The following CFAP43 variants were observed in gnomAD, a reference collection of about 807,000 sequenced individuals.
CFAP43 encodes cilia- and flagella-associated protein 43.
A neutral mutation model predicts 218.9 loss-of-function variants in CFAP43; 155 were observed. That is an observed-to-expected ratio of 0.71 (90% confidence interval 0.62 to 0.81). CFAP43 has a LOEUF of 0.81. Among genes scored for constraint, CFAP43 ranks in the 30% least tolerant of loss-of-function variants. The pLI is 0.00. For missense variants in CFAP43, 1,778 were observed against 1,954.3 expected (o/e 0.91, Z 1.70); for synonymous variants, 645 against 681.3 (o/e 0.95, Z 0.83).
intron 22 of CFAP43, among the ~76,000 whole-genome samples, chr10:104,167,409 G>A (rs926514215): frequency 6.6e-6 from 1 of 152,136 alleles, no homozygotes; most frequent in South Asian, 2.1e-4. Flanking sequence ...TTGAGGGCTA[G>A]CCAGTGTTGT....
At chr10:104,219,429 G>A (rs368874596) in intron 3 of CFAP43, among the ~76,000 whole-genome samples, 7 of 152,218 alleles carry the variant, frequency 4.6e-5, no homozygotes, top group South Asian at 4.2e-4. Flanking sequence ...TCCACAGTAC[G>A]AAAGTATTGG....
At chr10:104,173,713 C>T (rs1052330952) in intron 19 of CFAP43, among the ~76,000 whole-genome samples, 6 of 152,208 alleles carry the variant, frequency 3.9e-5, no homozygotes, top group Non-Finnish European at 5.9e-5. Flanking sequence ...CCCACCCCTT[C>T]ACTTTTTACT....
At chr10:104,186,341 C>T (rs2090028797) in intron 14 of CFAP43, among the ~76,000 whole-genome samples, 1 of 152,166 alleles carries the variant, frequency 6.6e-6, no homozygotes, top group Non-Finnish European at 1.5e-5. Flanking sequence ...TTGTTTCTGC[C>T]AACTAAGTAA....
chr10:104,141,737 A>T (rs1357644122), intron 33 of CFAP43, among the ~76,000 whole-genome samples: 1 of 152,232 alleles, frequency 6.6e-6, no homozygotes, highest in African/African-American at 2.4e-5. Context: ...GGTAATTCAT[A>T]TCCTCGCTAT....
intron 3 of CFAP43, among the ~76,000 whole-genome samples, chr10:104,219,500 G>A (rs2091119329): frequency 6.6e-6 from 1 of 152,114 alleles, no homozygotes; most frequent in Admixed American, 6.6e-5. Context: ...ATATAATTGT[G>A]TCACTTCCCT....
At chr10:104,208,407 C>T (rs1357252511) in intron 5 of CFAP43, among the ~76,000 whole-genome samples, 2 of 152,076 alleles carry the variant, frequency 1.3e-5, no homozygotes, top group African/African-American at 4.8e-5. Flanking sequence ...ATTTTCTGGC[C>T]TTGGTATGTT....
chr10:104,182,431 C>T lies in CFAP43; in HGVS notation c.2224G>A (p.Glu742Lys), dbSNP rs750966857. 1 of 1,612,708 alleles carries T rather than the reference C, an allele frequency of 6.2e-7. No individual in the cohort carries two copies. The highest frequency in any genetic ancestry group is 2.2e-5 in the East Asian group (1 of 44,742). The stretch of plus-strand genomic sequence containing the variant: ...GGTGTTGTGCTTAAATAATGATTCT[C>T]CTTGTCCATGGCGCTGCTCAGGGAA... The part of the protein sequence containing the change: ...LISLSSAMDK[E>K]NHYLSTTPKV... The change falls in exon 17 of 38, where the codon GAG becomes AAG. Residue 742 changes from glutamate (E) to lysine (K), a missense_variant. Glu to Lys is a moderately conservative substitution (Grantham distance 56). Coordinates refer to ENST00000357060, the MANE Select transcript of CFAP43 (RefSeq NM_025145.7).
At chr10:104,195,959 T>A (rs11816762) in intron 10 of CFAP43, among the ~76,000 whole-genome samples, 19,194 of 152,314 alleles carry the variant, frequency 0.13, 1,478 homozygotes, top group African/African-American at 0.22. Flanking sequence ...ATGCACTTAA[T>A]TGCATTTCTC....
At chr10:104,158,923 T>C (rs977590768) in intron 27 of CFAP43, among the ~76,000 whole-genome samples, 1 of 152,124 alleles carries the variant, frequency 6.6e-6, no homozygotes, top group African/African-American at 2.4e-5. Flanking sequence ...AACATATACG[T>C]AATATATATG....
rs79513904 is a variant in CFAP43 at position 104,146,121 on chromosome 10, T to C, written c.3855+142A>G. On this transcript the variant is annotated intron_variant, in intron 30 of 37. Coordinates refer to ENST00000357060, the MANE Select transcript of CFAP43 (RefSeq NM_025145.7). ...GGATTTTCAAAAATATACAATGGCATAGAATGAAGTTCACCCATAGCTGAG... is the reference window on the plus strand; with the variant it reads ...GGATTTTCAAAAATATACAATGGCACAGAATGAAGTTCACCCATAGCTGAG... 9.4e-3 allele frequency: 5,523 copies of C among 589,222 alleles called. 232 individuals are homozygous for C. Among genetic ancestry groups the C allele is most frequent in the African/African-American group, 0.091 (4,786 of 52,738 alleles). 36.5% of individuals were successfully genotyped at this position (589,222 alleles called of 1,614,324 possible). A position where few individuals can be genotyped will look rare whatever the true frequency, so the allele number is the denominator to read the frequency against.
chr10:104,185,048 T>A lies in CFAP43; in HGVS notation c.2109A>T (p.Arg703Ser), dbSNP rs780778325. 3 of 1,614,088 alleles carry A rather than the reference T, an allele frequency of 1.9e-6. No homozygotes were observed. The highest frequency in any genetic ancestry group is 1.7e-6 in the Non-Finnish European group (2 of 1,180,004). ...TTAGGTAGACAAGGGTGCCATCATC[T>A]CTCCCATTCACCAGAATGTTTTGTC... is the stretch of plus-strand genomic sequence containing the variant. ...MDGQNILVNG[R>S]DDGTLVYLKW... Residue 703 changes from arginine (R) to serine (S), a missense_variant, in exon 16 of 38, where the codon AGA becomes AGT. Arg to Ser is a moderately radical substitution (Grantham distance 110, BLOSUM62 -1). Around this residue, in one of 3 missense-constraint regions of CFAP43, gnomAD observed 1,553 missense variants for 1,685.2 expected, o/e 0.92. Transcript: ENST00000357060.
rs145513731 is a variant in CFAP43, at chr10:104,150,249, C to A, written c.3661-2251G>T. On this transcript the variant is annotated intron_variant, in intron 28 of 37. Coordinates refer to ENST00000357060, the MANE Select transcript of CFAP43 (RefSeq NM_025145.7). ...GACTAATGCTGCTGTTAGGCTGGAG[C>A]ATTCATTCCCAATCTTCCCCCTCAC... 2.0e-4 allele frequency among the ~76,000 whole-genome samples: 30 copies of A among 152,262 alleles called. No homozygotes were observed. The East Asian group carries it at 3.1e-3, about 16-fold the overall frequency.
intron 21 of CFAP43, 76 bp from the exon 22 acceptor site, chr10:104,167,813 GT>G: frequency 9.6e-7 from 1 of 1,046,972 alleles, no homozygotes; most frequent in South Asian, 1.6e-5. Context: ...AGTAGGGGAT[GT>G]TTTCTGTGAT....
chr10:104,139,043 GTCTA>G (rs1011042044), intron 34 of CFAP43, among the ~76,000 whole-genome samples: 67 of 152,254 alleles, frequency 4.4e-4, no homozygotes, highest in South Asian at 6.2e-4. Context: ...CTATCTGTCT[GTCTA>G]TCTATCTATC....
intron 5 of CFAP43, 42 bp from the exon 6 acceptor site, chr10:104,207,866 C>A: frequency 1.3e-6 from 2 of 1,569,596 alleles, no homozygotes; most frequent in Non-Finnish European, 8.6e-7. Flanking sequence ...AAAACAATCA[C>A]GGCTAAAAGC....
intron 9 of CFAP43, 67 bp from the exon 10 acceptor site, chr10:104,197,000 C>G: frequency 1.6e-6 from 2 of 1,282,636 alleles, no homozygotes; most frequent in South Asian, 2.6e-5. Context: ...CATGTTCTAC[C>G]TCCCTTTCCA....
chr10:104,166,638 T>G lies in CFAP43; in HGVS notation c.2889A>C (p.Glu963Asp), dbSNP rs1053769222. 1 of 1,614,050 alleles carries G rather than the reference T, an allele frequency of 6.2e-7. No homozygotes were observed. Among genetic ancestry groups the G allele is most frequent in the Non-Finnish European group, 8.5e-7 (1 of 1,180,016 alleles). Residue 963 changes from glutamate (E) to aspartate (D), a missense_variant, in exon 23 of 38, where the codon GAA becomes GAC. Physicochemically the swap from Glu to Asp is conservative, Grantham distance 45. Transcript: ENST00000357060. The part of the protein sequence containing the change: ...QRHEEDDEEE[E>D]EEDKTVKYSN... The stretch of plus-strand genomic sequence containing the variant: ...TATATTTTACTGTCTTGTCTTCCTC[T>G]TCCTCTTCTTCATCATCCTCTTCAT...
At chr10:104,141,410 G>C (rs777547176) in intron 33 of CFAP43, among the ~76,000 whole-genome samples, 4 of 152,038 alleles carry the variant, frequency 2.6e-5, no homozygotes, top group Admixed American at 6.5e-5. Context: ...TCAGGAGTTC[G>C]AGACTAGCCT....
chr10:104,203,482 A>G (rs894839184), intron 8 of CFAP43, 190 bp downstream of exon 8: 16 of 485,340 alleles, frequency 3.3e-5, no homozygotes, highest in Non-Finnish European at 5.5e-5. Context: ...TTTCAGTTAC[A>G]TGCACAAAAA....
Sources: allele counts gnomAD v4.1 joint callset (sites outside exome capture counted in the v4.1 genomes callset), GRCh38; gene constraint gnomAD v4.1.1; regional missense constraint gnomAD v4.1.1; transcripts MANE v1.5; gene names NCBI Gene and HGNC (gene_info 2026-07-23, HGNC 2026-07-21).